Variants in ATP6V0A1 observed in about 807,000 individuals in gnomAD.
ATP6V0A1 encodes V-type proton ATPase 116 kDa subunit a 1.
Under a neutral mutation model 105.4 loss-of-function variants are expected in ATP6V0A1, and 43 were observed. The observed-to-expected ratio is 0.41, with a 90% CI of 0.32 to 0.53. ATP6V0A1 has a LOEUF of 0.53. Ranked by LOEUF, ATP6V0A1 falls within the 20% of genes least tolerant of loss-of-function variation. ATP6V0A1 has a pLI of 0.30. For missense variants in ATP6V0A1, 676 were observed against 1,051.1 expected (o/e 0.64, Z 4.93); for synonymous variants, 362 against 372.8 (o/e 0.97, Z 0.33).
intron 10 of ATP6V0A1, 33 bp from the exon 11 acceptor site, chr17:42,490,454 C>T (rs1375637907): frequency 6.4e-7 from 1 of 1,574,596 alleles, no homozygotes; most frequent in Non-Finnish European, 8.6e-7. Flanking sequence ...AGGAGGATAA[C>T]CTAAGTTTGA....
chr17:42,513,719 C>T, intron 19 of ATP6V0A1, 142 bp from the exon 20 acceptor site: 1 of 776,148 alleles, frequency 1.3e-6, no homozygotes, highest in East Asian at 2.5e-5. Context: ...GCTTCTGGCC[C>T]CTCCAGAGTT....
In ATP6V0A1 at chr17:42,501,302, T is replaced by G. The variant is rs1480499797; in HGVS notation, c.2002T>G (p.Leu668Val). ...CCGTCAGTATTTGAGGAGAAAGCAT[T>G]TGGTAGGTGTATTTCTATTGCTAAA... Reference protein sequence around the residue: ...LRRQYLRRKHLGTLNFGGIRV... With the variant: ...LRRQYLRRKHVGTLNFGGIRV... Residue 668 changes from leucine to valine, a missense_variant and splice_region_variant, in exon 17 of 22, where the codon TTG becomes GTG. Physicochemically the swap from Leu to Val is conservative, Grantham distance 32 (BLOSUM62 1). This residue lies in a region of ATP6V0A1 where 435 missense variants were observed against 642.2 expected (regional missense o/e 0.68). Transcript: ENST00000343619. 1.9e-6 allele frequency: 3 copies of G among 1,611,446 alleles called. No individual in the cohort carries two copies. Among genetic ancestry groups the G allele is most frequent in the Non-Finnish European group, 1.7e-6 (2 of 1,177,930 alleles).
intron 19 of ATP6V0A1, chr17:42,509,774 A>G (rs1438109439): frequency 6.6e-6 from 1 of 152,214 alleles, no homozygotes; most frequent in African/African-American, 2.4e-5. Context: ...GTTTGTAGCC[A>G]TGTCCCAGGA....
intron 19 of ATP6V0A1, chr17:42,513,548 A>G (rs1223614612): frequency 1.5e-5 from 4 of 273,264 alleles, no homozygotes; most frequent in African/African-American, 2.2e-5. Context: ...ACAGAGCCCC[A>G]GAGGGAGAAG....
intron 16 of ATP6V0A1, 132 bp downstream of exon 16, chr17:42,501,055 A>C: frequency 8.4e-7 from 1 of 1,186,396 alleles, no homozygotes; most frequent in Non-Finnish European, 1.2e-6. Context: ...AAAATGTGAT[A>C]ATTATTTTGA....
Position 42,514,449 on chromosome 17 carries a change from G to C in ATP6V0A1, c.2409G>C (p.Leu803=). 1 of 1,600,538 alleles carries C rather than the reference G, an allele frequency of 6.2e-7. No homozygotes were observed. Among genetic ancestry groups the C allele is most frequent in the Non-Finnish European group, 8.5e-7 (1 of 1,173,056 alleles). The change falls in exon 21 of 22, where the codon CTG becomes CTC. Residue 803 remains leucine, a synonymous_variant. Coordinates refer to ENST00000343619, the MANE Select transcript of ATP6V0A1 (RefSeq NM_001130021.3). ...GCCTCTCGGCCTTTCTCCACGCACT[G>C]CGCTTACACTGGTGAGGGGCAGTGG... ...MEGLSAFLHA[L]RLHWVEFQNK...
chr17:42,520,144 G>C, intron 21 of ATP6V0A1: 1 of 276,032 alleles, frequency 3.6e-6, no homozygotes, highest in Admixed American at 4.6e-5. Context: ...TCTTATAGGG[G>C]CTCCGGTGCC....
chr17:42,494,332 A>T lies in ATP6V0A1; in HGVS notation c.1175-2A>T. 6.2e-7 allele frequency: 1 copy of T among 1,608,840 alleles called. No homozygotes were observed. Among genetic ancestry groups the T allele is most frequent in the Non-Finnish European group, 8.5e-7 (1 of 1,177,760 alleles). ...ATTTTTCTTTTTTTGGTTTCTTCAT[A>T]GCTCCGTATACTATTATCACGTTCC... On this transcript the variant is annotated splice_acceptor_variant, in intron 11 of 21. Coordinates refer to ENST00000343619, the MANE Select transcript of ATP6V0A1 (RefSeq NM_001130021.3). LOFTEE classifies it high-confidence loss of function.
Position 42,500,830 on chromosome 17 carries a change from C to A in ATP6V0A1, c.1803C>A (p.Thr601=). 6.2e-7 allele frequency: 1 copy of A among 1,614,020 alleles called. No homozygotes were observed. The highest frequency in any genetic ancestry group is 8.5e-7 in the Non-Finnish European group (1 of 1,179,936). ...AGTGGACGGCCTATGATGCTCATACCTCTGAGAATGCACCAAGCCTTCTGA... is the reference window on the plus strand; with the variant it reads ...AGTGGACGGCCTATGATGCTCATACATCTGAGAATGCACCAAGCCTTCTGA... ...FYKWTAYDAH[T]SENAPSLLIH... The change falls in exon 16 of 22, where the codon ACC becomes ACA. Residue 601 remains threonine, a synonymous_variant. Transcript: ENST00000343619.
At chr17:42,462,242 G>A (rs908330669) in intron 2 of ATP6V0A1, among the ~76,000 whole-genome samples, 12 of 151,568 alleles carry the variant, frequency 7.9e-5, no homozygotes, top group Non-Finnish European at 1.8e-4. Context: ...AAGAGGTGGG[G>A]GGAGTATTAT....
At chr17:42,463,157 C>T (rs934852944) in intron 2 of ATP6V0A1, among the ~76,000 whole-genome samples, 2 of 83,930 alleles carry the variant, frequency 2.4e-5, no homozygotes, top group African/African-American at 8.7e-5. Context: ...CGCACACCGC[C>T]GAGCCCGGCT....
At chr17:42,517,569 C>G (rs1229754909) in intron 21 of ATP6V0A1, among the ~76,000 whole-genome samples, 4 of 152,224 alleles carry the variant, frequency 2.6e-5, no homozygotes, top group Non-Finnish European at 5.9e-5. Context: ...GGGCTGTTCC[C>G]GTGACACGAG....
Position 42,468,068 on chromosome 17 carries a change from C to T in ATP6V0A1, c.255C>T (p.Asn85=). 6.2e-7 allele frequency: 1 copy of T among 1,601,798 alleles called. No individual in the cohort carries two copies. Among genetic ancestry groups the T allele is most frequent in the Non-Finnish European group, 8.5e-7 (1 of 1,173,678 alleles). Residue 85 remains asparagine (N), a synonymous_variant, in exon 4 of 22, where the codon AAC becomes AAT. Coordinates refer to ENST00000343619, the MANE Select transcript of ATP6V0A1 (RefSeq NM_001130021.3). ...ANIPIMDTGE[N]PEVPFPRDMI... ...TTCCGATTATGGACACCGGTGAAAA[C>T]CCAGAGGTTCCCTTCCCCCGGGACA...
At chr17:42,503,121 T>G (rs934836775) in intron 17 of ATP6V0A1, among the ~76,000 whole-genome samples, 1 of 152,178 alleles carries the variant, frequency 6.6e-6, no homozygotes, top group African/African-American at 2.4e-5. Context: ...CAAAGTGGCT[T>G]GTTGTACCCT....
chr17:42,520,749 T>C, intron 21 of ATP6V0A1: 1 of 447,876 alleles, frequency 2.2e-6, no homozygotes, highest in Non-Finnish European at 4.2e-6. Flanking sequence ...GAACTTTTTT[T>C]GCACATGCCT....
chr17:42,490,564 C>T lies in ATP6V0A1; in HGVS notation c.1101C>T (p.Thr367=), dbSNP rs750096100. The change falls in exon 11 of 22, where the codon ACC becomes ACT. Residue 367 remains threonine, a synonymous_variant. Coordinates refer to ENST00000343619, the MANE Select transcript of ATP6V0A1 (RefSeq NM_001130021.3). ...AGACTCCCCCAACCTATAACAAAAC[C>T]AACAAGTTTACCTATGGCTTTCAGA... ...TNQTPPTYNK[T]NKFTYGFQNI... is the part of the protein sequence containing the mutation. 2.5e-6 allele frequency: 4 copies of T among 1,613,454 alleles called. No individual in the cohort carries two copies. The highest frequency in any genetic ancestry group is 1.1e-5 in the South Asian group (1 of 90,992).
intron 5 of ATP6V0A1, among the ~76,000 whole-genome samples, chr17:42,476,232 C>G (rs1368912473): frequency 6.6e-6 from 1 of 152,214 alleles, no homozygotes; most frequent in South Asian, 2.1e-4. Context: ...CAGTATTTCT[C>G]TGCACTTCTG....
At chr17:42,512,385 G>A (rs1051302042) in intron 19 of ATP6V0A1, among the ~76,000 whole-genome samples, 1 of 152,218 alleles carries the variant, frequency 6.6e-6, no homozygotes, top group Non-Finnish European at 1.5e-5. Flanking sequence ...CCAGCCCATA[G>A]GAGTAGAGAT....
intron 5 of ATP6V0A1, among the ~76,000 whole-genome samples, chr17:42,473,989 G>A (rs1260239808): frequency 1.3e-5 from 2 of 151,484 alleles, no homozygotes; most frequent in African/African-American, 2.4e-5. Flanking sequence ...TCATGCTGGG[G>A]TTGTTTTCCC....
Sources: allele counts gnomAD v4.1 joint callset (sites outside exome capture counted in the v4.1 genomes callset), GRCh38; gene constraint gnomAD v4.1.1; regional missense constraint gnomAD v4.1.1; transcripts MANE v1.5; gene names NCBI Gene and HGNC (gene_info 2026-07-23, HGNC 2026-07-21).